The following GHRHR variants were observed in gnomAD, a reference collection of about 807,000 sequenced individuals.
The protein encoded by GHRHR is growth hormone-releasing hormone receptor.
Under a neutral mutation model 58.3 loss-of-function variants are expected in GHRHR, and 40 were observed. That is an observed-to-expected ratio of 0.69 (90% CI 0.53 to 0.89). GHRHR has a LOEUF of 0.89. Ranked by LOEUF, GHRHR falls within the 40% of genes least tolerant of loss-of-function variation. The pLI, the probability that GHRHR is intolerant of heterozygous loss-of-function variation, is 0.00. For synonymous variants in GHRHR, 249 were observed against 216.6 expected (o/e 1.15, Z -1.31); for missense variants, 551 against 541.3 (o/e 1.02, Z -0.18).
At chr7:30,968,424 GA>G (rs1354343023) in intron 1 of GHRHR, among the ~76,000 whole-genome samples, 6 of 152,186 alleles carry the variant, frequency 3.9e-5, no homozygotes, top group Middle Eastern at 3.4e-3. Context: ...ACTTACATGA[GA>G]CAGAATGGAG....
intron 10 of GHRHR, chr7:30,976,114 C>T (rs1383633685): frequency 1.7e-6 from 1 of 579,784 alleles, no homozygotes; most frequent in African/African-American, 1.9e-5. Context: ...CTATGGGAGC[C>T]TGGGGAGAGG....
At chr7:30,966,414 C>T (rs1469151947) in intron 1 of GHRHR, among the ~76,000 whole-genome samples, 1 of 151,782 alleles carries the variant, frequency 6.6e-6, no homozygotes, top group Non-Finnish European at 1.5e-5. Context: ...GGGGTGGGGG[C>T]CATGGGGAGA....
chr7:30,966,079 C>T (rs1792343609), intron 1 of GHRHR, among the ~76,000 whole-genome samples: 1 of 152,182 alleles, frequency 6.6e-6, no homozygotes, highest in African/African-American at 2.4e-5. Flanking sequence ...AGCCATGGAC[C>T]CATGGGGTCA....
chr7:30,973,799 T>C (rs1366675023), intron 6 of GHRHR, among the ~76,000 whole-genome samples, 186 bp from the exon 7 acceptor site: 1 of 152,186 alleles, frequency 6.6e-6, no homozygotes, highest in Non-Finnish European at 1.5e-5. Context: ...GCTGTCTAGA[T>C]ACCAAATCTG....
intron 5 of GHRHR, 54 bp from the exon 6 acceptor site, chr7:30,971,909 A>T: frequency 1.3e-6 from 2 of 1,585,160 alleles, no homozygotes. Flanking sequence ...GCAGCACACC[A>T]GAATCCCCTC....
chr7:30,964,332 C>T (rs1324297209), intron 1 of GHRHR, among the ~76,000 whole-genome samples: 2 of 152,228 alleles, frequency 1.3e-5, no homozygotes, highest in African/African-American at 2.4e-5. Context: ...TCTGTAGTGA[C>T]TCTGGGTAGT....
In GHRHR at chr7:30,977,326, T is replaced by A. The variant is rs368440035; in HGVS notation, c.1146+4T>A. 50 of 1,613,458 alleles carry A rather than the reference T, an allele frequency of 3.1e-5. No homozygotes were observed. The highest frequency in any genetic ancestry group is 4.0e-5 in the Non-Finnish European group (47 of 1,179,562). The stretch of plus-strand genomic sequence containing the variant: ...CTACTGCTTCCTCAACCAAGAGGTG[T>A]GTGATTTTTGAGGCTATCCCTCATG... On this transcript the variant is annotated splice_donor_region_variant and intron_variant, in intron 12 of 12. Coordinates refer to ENST00000326139, the MANE Select transcript of GHRHR (RefSeq NM_000823.4).
intron 8 of GHRHR, among the ~76,000 whole-genome samples, chr7:30,974,770 G>A (rs1352904713): frequency 6.6e-6 from 1 of 152,174 alleles, no homozygotes; most frequent in Non-Finnish European, 1.5e-5. Context: ...AGAAACGTTT[G>A]TCCATCTAGG....
intron 1 of GHRHR, among the ~76,000 whole-genome samples, chr7:30,967,390 A>C (rs1792378788): frequency 6.6e-6 from 1 of 152,142 alleles, no homozygotes; most frequent in South Asian, 2.1e-4. Flanking sequence ...TCCCAAAAAA[A>C]CCCCAACTTG....
intron 9 of GHRHR, 68 bp from the exon 10 acceptor site, chr7:30,975,709 G>A (rs1367107707): frequency 8.0e-6 from 7 of 871,560 alleles, no homozygotes; most frequent in Admixed American, 3.4e-5. Context: ...ATGGGCTGGG[G>A]CTCACCCCAG....
chr7:30,977,246 G>T, intron 11 of GHRHR, 35 bp from the exon 12 acceptor site: 1 of 1,607,342 alleles, frequency 6.2e-7, no homozygotes, highest in Non-Finnish European at 8.5e-7. Context: ...CAGGCCAAAG[G>T]GTTCTGATGG....
intron 1 of GHRHR, among the ~76,000 whole-genome samples, chr7:30,967,383 C>A (rs997423250): frequency 2.0e-5 from 3 of 152,080 alleles, no homozygotes; most frequent in Non-Finnish European, 4.4e-5. Context: ...AGAAGATTCC[C>A]AAAAAAACCC....
chr7:30,971,550 C>G (rs755975157), intron 5 of GHRHR, among the ~76,000 whole-genome samples: 15 of 152,144 alleles, frequency 9.9e-5, no homozygotes, highest in Non-Finnish European at 1.8e-4. Flanking sequence ...ACTGTTATAA[C>G]TCTCTGACCA....
At chr7:30,971,340 A>C in intron 5 of GHRHR, 124 bp downstream of exon 5, 1 of 701,852 alleles carries the variant, frequency 1.4e-6, no homozygotes, top group East Asian at 2.7e-5. Flanking sequence ...CCCATGTCTA[A>C]CTTTCCCTTC....
At position 30,970,037 on chromosome 7, in the gene GHRHR, G is replaced by A. The variant is rs916181767; in HGVS notation, c.366+73G>A. On this transcript the variant is annotated intron_variant, in intron 4 of 12. Transcript: ENST00000326139. ...TATGGGTGGGTGCACAACTGTAGGGGCCGCCATTCTCTAGCCTGCAGATTG... is the reference window on the plus strand; with the variant it reads ...TATGGGTGGGTGCACAACTGTAGGGACCGCCATTCTCTAGCCTGCAGATTG... 4.1e-5 allele frequency: 32 copies of A among 787,710 alleles called. No individual in the cohort carries two copies. In the Admixed American group the frequency reaches 5.3e-4, roughly 13 times the overall value. 48.8% of individuals were successfully genotyped at this position (787,710 alleles called of 1,614,324 possible). A position where few individuals can be genotyped will look rare whatever the true frequency, so the allele number is the denominator to read the frequency against.
intron 1 of GHRHR, among the ~76,000 whole-genome samples, chr7:30,967,843 C>T (rs1295171811): frequency 2.6e-5 from 4 of 152,174 alleles, no homozygotes; most frequent in African/African-American, 9.7e-5. Flanking sequence ...CCTGTGTGCA[C>T]CCCTAAAAGC....
In GHRHR at chr7:30,965,313, G is replaced by A. The variant is rs976301206; in HGVS notation, c.57+1188G>A. Among the ~76,000 whole-genome samples the A allele has an allele frequency of 3.3e-5, 5 of 152,130 alleles. No homozygotes were observed. The East Asian group carries it at 9.6e-4, about 29-fold the overall frequency. ...AACTCAATCACTGTTTGCCAGTGTG[G>A]GCATCATCCCCTGCAGATACCAGGA... On this transcript the variant is annotated intron_variant, in intron 1 of 12. Coordinates refer to ENST00000326139, the MANE Select transcript of GHRHR (RefSeq NM_000823.4).
intron 1 of GHRHR, among the ~76,000 whole-genome samples, chr7:30,966,924 G>A (rs972612430): frequency 3.3e-5 from 5 of 152,218 alleles, no homozygotes; most frequent in Admixed American, 6.5e-5. Context: ...TTACAGGCAT[G>A]AGCCACTGCG....
chr7:30,977,058 G>T (rs994097968), intron 11 of GHRHR, among the ~76,000 whole-genome samples: 1 of 152,202 alleles, frequency 6.6e-6, no homozygotes, highest in East Asian at 1.9e-4. Context: ...TAAAGTCAGA[G>T]AAATGGGGCC....
Sources: allele counts gnomAD v4.1 joint callset (sites outside exome capture counted in the v4.1 genomes callset), GRCh38; gene constraint gnomAD v4.1.1; transcripts MANE v1.5; gene names NCBI Gene and HGNC (gene_info 2026-07-23, HGNC 2026-07-21).